Variants in FAM185A observed in about 807,000 individuals in gnomAD.
The protein encoded by FAM185A is protein FAM185A.
Under a neutral mutation model 45.7 loss-of-function variants are expected in FAM185A, and 21 were observed. The ratio of observed to expected loss-of-function variants is 0.46; its 90% CI spans 0.33 to 0.66. The LOEUF (loss-of-function observed/expected upper bound fraction) is 0.66, where lower values mean the gene tolerates loss of function less well. Ranked by LOEUF, FAM185A falls within the 30% of genes least tolerant of loss-of-function variation. The probability of loss-of-function intolerance (pLI) is 0.03; values close to 1 mark genes in which losing one functional copy is unlikely to be tolerated. For missense variants in FAM185A, 305 were observed against 485.4 expected (o/e 0.63, Z 3.49); for synonymous variants, 117 against 194.0 (o/e 0.60, Z 3.30).
intron 7 of FAM185A, among the ~76,000 whole-genome samples, chr7:102,795,257 G>A (rs1364992406): frequency 2.0e-5 from 3 of 152,160 alleles, no homozygotes; most frequent in African/African-American, 4.8e-5. Flanking sequence ...TATAGAAGCT[G>A]TCACCATTAG....
At chr7:102,779,529 T>C (rs540472062) in intron 6 of FAM185A, among the ~76,000 whole-genome samples, 1 of 152,356 alleles carries the variant, frequency 6.6e-6, no homozygotes, top group Non-Finnish European at 1.5e-5. Flanking sequence ...TTTAAATCCA[T>C]GATTTTCTAC....
At chr7:102,812,667 G>A (rs1470604964), downstream of FAM185A, among the ~76,000 whole-genome samples, 1 of 151,832 alleles carries the variant, frequency 6.6e-6, no homozygotes. Context: ...TTTGACATAT[G>A]GCCATCTCTG....
the FAM185A span, chr7:102,821,919 TA>T: frequency 1.5e-5 from 17 of 1,141,408 alleles, no homozygotes; most frequent in Non-Finnish European, 1.2e-6. Flanking sequence ...AGGCAAAAAA[TA>T]AAATGAAATG....
chr7:102,826,409 A>G, the FAM185A span, among the ~76,000 whole-genome samples: 1 of 151,970 alleles, frequency 6.6e-6, no homozygotes, highest in African/African-American at 2.4e-5. Context: ...TAAACCCCTG[A>G]ACTGTGGGAG....
At chr7:102,835,888 C>T in the FAM185A span, among the ~76,000 whole-genome samples, 6 of 152,082 alleles carry the variant, frequency 3.9e-5, no homozygotes, top group Non-Finnish European at 4.4e-5. Context: ...GGATTACAGG[C>T]GTGAGCCACC....
rs552097977 is a variant in FAM185A at position 102,808,952 on chromosome 7, T to C, written c.*550T>C. On this transcript the variant is annotated 3_prime_UTR_variant, in exon 8 of 8. Coordinates refer to ENST00000413034, the MANE Select transcript of FAM185A (RefSeq NM_001145268.2). ...TCTTCTGCAGCCAGCTGGAAGAATA[T>C]ATACTTTTAAAGGGCTCACTTGATT... The C allele has an allele frequency of 6.5e-6, 1 of 154,444 alleles. No homozygotes were observed. The highest frequency in any genetic ancestry group is 6.4e-5 in the Admixed American group (1 of 15,718). The allele number at this position is 154,444 out of a possible 1,614,324, so 9.6% of individuals were successfully genotyped here.
chr7:102,758,426 GCTTTTTTTTTT>G lies in FAM185A; in HGVS notation c.654+481_654+491del, dbSNP rs1231620837. ...ATTAGATAGCTTTACTGCTCTCACAGCTTTTTTTTTTTTTTTTTTTTTTTTTTTTTTTTATA... is the reference window on the plus strand; with the variant it reads ...ATTAGATAGCTTTACTGCTCTCACAGTTTTTTTTTTTTTTTTTTTTTTATA... On this transcript the variant is annotated intron_variant, in intron 3 of 7. Coordinates refer to ENST00000413034, the MANE Select transcript of FAM185A (RefSeq NM_001145268.2). Among the ~76,000 whole-genome samples the G allele has an allele frequency of 4.2e-5, 4 of 95,894 alleles. 1 individual carries two copies. Among genetic ancestry groups the G allele is most frequent in the Admixed American group, 1.3e-4 (1 of 7,942 alleles). The allele number at this position is 95,894 out of a possible 152,430, so 62.9% of individuals were successfully genotyped here.
At chr7:102,756,489 C>T (rs953172050) in intron 2 of FAM185A, among the ~76,000 whole-genome samples, 1 of 151,512 alleles carries the variant, frequency 6.6e-6, no homozygotes. Context: ...AACCCCATCT[C>T]TACTAAAAAT....
At chr7:102,756,285 C>A (rs984456792) in intron 2 of FAM185A, among the ~76,000 whole-genome samples, 6 of 151,938 alleles carry the variant, frequency 3.9e-5, no homozygotes, top group African/African-American at 1.5e-4. Context: ...AACATCTGGG[C>A]TCAAGTGATC....
chr7:102,755,547 C>T (rs1321657219), intron 2 of FAM185A: 16 of 617,956 alleles, frequency 2.6e-5, no homozygotes, highest in East Asian at 5.6e-5. Context: ...ACCTGTCTTT[C>T]GAGCAGGAGT....
chr7:102,758,028 G>A, intron 3 of FAM185A, 82 bp downstream of exon 3: 1 of 1,530,000 alleles, frequency 6.5e-7, no homozygotes, highest in Non-Finnish European at 8.8e-7. Flanking sequence ...GTTCTACAAA[G>A]TTCGTAGCAT....
the FAM185A span, among the ~76,000 whole-genome samples, chr7:102,825,158 T>C: frequency 1.3e-5 from 2 of 152,180 alleles, no homozygotes; most frequent in African/African-American, 4.8e-5. Context: ...TAGGATAGAT[T>C]TCAGAAAGTG....
At chr7:102,753,692 G>A (rs1378935292) in intron 2 of FAM185A, among the ~76,000 whole-genome samples, 2 of 150,938 alleles carry the variant, frequency 1.3e-5, no homozygotes, top group South Asian at 4.2e-4. Flanking sequence ...AACATAGTTG[G>A]GAATAATTTA....
chr7:102,850,162 TG>T, the FAM185A span, among the ~76,000 whole-genome samples: 1 of 152,174 alleles, frequency 6.6e-6, no homozygotes, highest in Non-Finnish European at 1.5e-5. Context: ...AGTTACCAAA[TG>T]GGTAAATGCT....
chr7:102,798,440 T>C (rs1796575094), intron 7 of FAM185A, among the ~76,000 whole-genome samples: 1 of 152,216 alleles, frequency 6.6e-6, no homozygotes, highest in African/African-American at 2.4e-5. Flanking sequence ...TTTTGAGTAT[T>C]GTCTCTAAGC....
intron 7 of FAM185A, among the ~76,000 whole-genome samples, chr7:102,792,571 A>T (rs536645153): frequency 1.3e-3 from 130 of 99,144 alleles, no homozygotes; most frequent in African/African-American, 5.1e-3. Context: ...TGCATGTTGT[A>T]CAAAGTCCTT....
chr7:102,789,967 A>G (rs1208769990), intron 7 of FAM185A, among the ~76,000 whole-genome samples: 1 of 152,166 alleles, frequency 6.6e-6, no homozygotes, highest in Non-Finnish European at 1.5e-5. Flanking sequence ...ATCTTGTCCC[A>G]CTGAAAGGCC....
Position 102,808,455 on chromosome 7 carries a change from C to G in FAM185A, c.*53C>G. ...TTAACAATGATTCGCAGATCTGTGA[C>G]TACAAAAATGTAAATCCCACCATTC... On this transcript the variant is annotated 3_prime_UTR_variant, in exon 8 of 8. Transcript: ENST00000413034. The G allele has an allele frequency of 9.2e-7, 1 of 1,088,812 alleles. No homozygotes were observed. The highest frequency in any genetic ancestry group is 1.4e-6 in the Non-Finnish European group (1 of 728,976). 67.4% of individuals were successfully genotyped at this position (1,088,812 alleles called of 1,614,324 possible).
intron 6 of FAM185A, among the ~76,000 whole-genome samples, chr7:102,786,382 A>T (rs576019789): frequency 6.6e-6 from 1 of 152,356 alleles, no homozygotes; most frequent in South Asian, 2.1e-4. Context: ...ATGCACACGT[A>T]TGTTTATCGT....
Sources: gnomAD v4.1 joint callset for allele counts (sites outside exome capture counted in the v4.1 genomes callset) on GRCh38, gnomAD v4.1.1 for gene constraint, MANE v1.5 for transcripts, NCBI Gene and HGNC (gene_info 2026-07-23, HGNC 2026-07-21) for gene names.